Variants in PPP6R2 observed in about 807,000 individuals in gnomAD.
PPP6R2 encodes serine/threonine-protein phosphatase 6 regulatory subunit 2.
In PPP6R2, 62 loss-of-function variants were observed where a neutral mutation model predicts 100.2. The ratio of observed to expected loss-of-function variants is 0.62; its 90% CI spans 0.50 to 0.76. The LOEUF (loss-of-function observed/expected upper bound fraction) is 0.76, where lower values mean the gene tolerates loss of function less well. Ranked by LOEUF, PPP6R2 falls within the 30% of genes least tolerant of loss-of-function variation. The probability of loss-of-function intolerance (pLI) is 0.00; values close to 1 mark genes in which losing one functional copy is unlikely to be tolerated. For synonymous variants in PPP6R2, 525 were observed against 514.7 expected (o/e 1.02, Z -0.27); for missense variants, 1,142 against 1,276.3 (o/e 0.89, Z 1.60).
chr22:50,407,973 C>G (rs939806631), intron 4 of PPP6R2, among the ~76,000 whole-genome samples: 3 of 152,236 alleles, frequency 2.0e-5, no homozygotes, highest in African/African-American at 7.2e-5. Context: ...GTCTCAACCT[C>G]CTCAAGCTCA....
chr22:50,441,075 C>T, intron 22 of PPP6R2, 49 bp downstream of exon 22: 1 of 1,412,572 alleles, frequency 7.1e-7, no homozygotes. Context: ...TAGGGCGTGG[C>T]TTCCAGGCTC....
At chr22:50,416,011 G>A in intron 5 of PPP6R2, 81 bp from the exon 6 acceptor site, 5 of 1,323,352 alleles carry the variant, frequency 3.8e-6, no homozygotes, top group South Asian at 1.2e-5. Context: ...AACGGGTGCA[G>A]TGCTGCACCA....
At chr22:50,387,815 T>G (rs1346329949) in intron 2 of PPP6R2, among the ~76,000 whole-genome samples, 1 of 152,202 alleles carries the variant, frequency 6.6e-6, no homozygotes, top group Non-Finnish European at 1.5e-5. Context: ...TTCCGTCTCT[T>G]TACGCTGAGG....
chr22:50,375,702 G>C (rs1164372199), intron 2 of PPP6R2, among the ~76,000 whole-genome samples: 3 of 152,078 alleles, frequency 2.0e-5, no homozygotes, highest in Non-Finnish European at 4.4e-5. Flanking sequence ...CAGTTACATT[G>C]CCTGGTAGTT....
intron 10 of PPP6R2, among the ~76,000 whole-genome samples, chr22:50,426,310 A>G (rs987981247): frequency 1.3e-5 from 2 of 152,176 alleles, no homozygotes; most frequent in African/African-American, 4.8e-5. Flanking sequence ...ATGAAATCCA[A>G]TTATCTTTTT....
chr22:50,355,187 A>C (rs371711266), intron 1 of PPP6R2, among the ~76,000 whole-genome samples: 24 of 147,544 alleles, frequency 1.6e-4, no homozygotes, highest in South Asian at 2.1e-4. Context: ...TACTCCTCCT[A>C]TATTGGAAAT....
chr22:50,436,909 T>TGGTCCTG, intron 14 of PPP6R2, 79 bp from the exon 15 acceptor site: 1 of 1,186,496 alleles, frequency 8.4e-7, no homozygotes. Flanking sequence ...GGGCTGGGCA[T>TGGTCCTG]GGTCCTGGGC....
intron 1 of PPP6R2, among the ~76,000 whole-genome samples, chr22:50,359,418 C>A (rs567874874): frequency 1.3e-5 from 2 of 151,968 alleles, no homozygotes; most frequent in African/African-American, 2.4e-5. Context: ...TGGGGTTTGC[C>A]GTGTTAGCCA....
chr22:50,374,870 C>T (rs1052190464), intron 2 of PPP6R2, among the ~76,000 whole-genome samples: 9 of 135,816 alleles, frequency 6.6e-5, no homozygotes, highest in Middle Eastern at 4.2e-3. Flanking sequence ...GCCAAGATCA[C>T]GCTACTGCGC....
Position 50,437,711 on chromosome 22 carries a change from C to A in PPP6R2, c.1781+108C>A, listed in dbSNP as rs1042878991. The A allele has an allele frequency of 4.3e-6, 6 of 1,392,862 alleles. No homozygotes were observed. The East Asian group carries it at 1.5e-4, about 34-fold the overall frequency. The allele number at this position is 1,392,862 out of a possible 1,614,324, so 86.3% of individuals were successfully genotyped here. ...TGCCGGGAGTGCCGTCTGATGTCCC[C>A]GGGAGACAGCAGGTGTTCCCAGTTG... On this transcript the variant is annotated intron_variant, in intron 16 of 23. Transcript: ENST00000612753.
chr22:50,366,561 C>G (rs1041707848), intron 1 of PPP6R2, among the ~76,000 whole-genome samples: 5 of 152,138 alleles, frequency 3.3e-5, no homozygotes, highest in Non-Finnish European at 2.9e-5. Flanking sequence ...GCCTCGGCCT[C>G]CCAAAGTGCT....
intron 17 of PPP6R2, 28 bp downstream of exon 17, chr22:50,437,928 C>T (rs5770890): frequency 8.3e-6 from 13 of 1,561,310 alleles, no homozygotes; most frequent in African/African-American, 1.4e-5. Flanking sequence ...TGTGGGGTGC[C>T]GCCACCCTTT....
chr22:50,416,962 A>G (rs1246780727), intron 6 of PPP6R2, among the ~76,000 whole-genome samples: 1 of 151,956 alleles, frequency 6.6e-6, no homozygotes, highest in Non-Finnish European at 1.5e-5. Flanking sequence ...TCAACAAACA[A>G]GCAAACCAAA....
chr22:50,354,095 C>T (rs969053187), intron 1 of PPP6R2, among the ~76,000 whole-genome samples: 3 of 151,750 alleles, frequency 2.0e-5, no homozygotes, highest in South Asian at 4.2e-4. Context: ...ACCTGGGGTC[C>T]GGAGTTTGAG....
chr22:50,414,331 GCCCCCCCCCCC>G lies in PPP6R2; in HGVS notation c.415-212_415-202del, dbSNP rs57634612. ...GAGCCACAGGGGTCCCTGTGCAGTG[GCCCCCCCCCCC>G]CCCCCCCCGCCCAGACCCTCACATA... is the stretch of plus-strand genomic sequence containing the variant. On this transcript the variant is annotated intron_variant, in intron 4 of 23. Transcript: ENST00000612753. Among the ~76,000 whole-genome samples the G allele has an allele frequency of 1.1e-3, 29 of 26,800 alleles. 3 individuals carry two copies. The highest frequency in any genetic ancestry group is 2.7e-3 in the Admixed American group (5 of 1,886). 17.6% of individuals were successfully genotyped at this position (26,800 alleles called of 152,430 possible).
chr22:50,402,377 G>A (rs948051392), intron 3 of PPP6R2, among the ~76,000 whole-genome samples: 4 of 148,106 alleles, frequency 2.7e-5, no homozygotes. Context: ...ATGGTGTCTG[G>A]TCACCCTGTG....
intron 4 of PPP6R2, 90 bp from the exon 5 acceptor site, chr22:50,414,462 A>G: frequency 1.4e-6 from 2 of 1,405,482 alleles, no homozygotes; most frequent in Non-Finnish European, 2.0e-6. Flanking sequence ...TATAATTACT[A>G]GTTCAACTTT....
Position 50,443,613 on chromosome 22 carries a change from A to G in PPP6R2, c.2580-253A>G, listed in dbSNP as rs2066364277. 4 of 560,816 alleles carry G rather than the reference A, an allele frequency of 7.1e-6. No individual in the cohort carries two copies. The South Asian group carries it at 9.8e-5, about 14-fold the overall frequency. 34.7% of individuals were successfully genotyped at this position (560,816 alleles called of 1,614,324 possible). On this transcript the variant is annotated intron_variant, in intron 22 of 23. Transcript: ENST00000612753. ...AATGAGGCGCTTGATGATGAGCAGG[A>G]TCTGAGTGCTGCCTGGAGGAGGTTT...
intron 2 of PPP6R2, among the ~76,000 whole-genome samples, chr22:50,386,116 C>T (rs961772715): frequency 2.7e-5 from 4 of 150,696 alleles, no homozygotes; most frequent in Non-Finnish European, 4.4e-5. Context: ...TGAACCACTG[C>T]GCCCGGACAA....
Sources: gnomAD v4.1 joint callset for allele counts (sites outside exome capture counted in the v4.1 genomes callset) on GRCh38, gnomAD v4.1.1 for gene constraint, MANE v1.5 for transcripts, NCBI Gene and HGNC (gene_info 2026-07-23, HGNC 2026-07-21) for gene names.